The following FAM13C variants were observed in gnomAD, a reference collection of about 807,000 sequenced individuals.
The protein encoded by FAM13C is family with sequence similarity 13 member C.
A neutral mutation model predicts 73.2 loss-of-function variants in FAM13C; 37 were observed. That is an observed-to-expected ratio of 0.51 (90% CI 0.39 to 0.67). FAM13C has a LOEUF of 0.67. Ranked by LOEUF, FAM13C falls within the 30% of genes least tolerant of loss-of-function variation. The pLI is 0.00. For synonymous variants in FAM13C, 246 were observed against 260.9 expected (o/e 0.94, Z 0.55); for missense variants, 589 against 715.6 (o/e 0.82, Z 2.02).
At chr10:59,278,740 A>C (rs1441467896) in intron 6 of FAM13C, among the ~76,000 whole-genome samples, 2 of 151,802 alleles carry the variant, frequency 1.3e-5, no homozygotes. Context: ...TTTCCATAAT[A>C]GTAGCCATTT....
rs1052926458 is a variant in FAM13C at position 59,351,893 on chromosome 10, G to A, written c.324+377C>T. Among the ~76,000 whole-genome samples the A allele has an allele frequency of 9.2e-5, 14 of 152,306 alleles. 1 individual carries two copies. The highest frequency in any genetic ancestry group is 2.9e-4 in the African/African-American group (12 of 41,578). ...CGCCTGTAATCCCAGCTACTCAGGA[G>A]GCTAAGGCAGGAGAATCGTTTGAAC... On this transcript the variant is annotated intron_variant, in intron 3 of 13. Transcript: ENST00000618804.
At chr10:59,294,294 C>A (rs1846636456) in intron 5 of FAM13C, among the ~76,000 whole-genome samples, 1 of 152,072 alleles carries the variant, frequency 6.6e-6, no homozygotes, top group Admixed American at 6.6e-5. Flanking sequence ...AAAGAATGAG[C>A]AACAAGAAAA....
At chr10:59,322,317 C>T (rs191616731) in intron 4 of FAM13C, among the ~76,000 whole-genome samples, 2 of 152,302 alleles carry the variant, frequency 1.3e-5, no homozygotes, top group East Asian at 3.9e-4. Flanking sequence ...GCCCTCACAG[C>T]ACTCCTGATA....
intron 1 of FAM13C, chr10:59,361,087 C>T: frequency 2.3e-6 from 3 of 1,289,310 alleles, no homozygotes; most frequent in South Asian, 1.2e-5. Context: ...CACTTTGGCA[C>T]ACCTCTCTCC....
chr10:59,247,478 C>T lies in FAM13C; in HGVS notation c.*136G>A, dbSNP rs936908285. ...CTTGTATATAATTAAACTTGCTATT[C>T]CTTCTTAAAAACAGCTAATACTACC... On this transcript the variant is annotated 3_prime_UTR_variant, in exon 14 of 14. Transcript: ENST00000618804. The T allele has an allele frequency of 3.9e-5, 41 of 1,039,790 alleles. No homozygotes were observed. Among genetic ancestry groups the T allele is most frequent in the Non-Finnish European group, 5.6e-5 (39 of 695,180 alleles). 64.4% of individuals were successfully genotyped at this position (1,039,790 alleles called of 1,614,324 possible). A position where few individuals can be genotyped will look rare whatever the true frequency, so the allele number is the denominator to read the frequency against.
intron 3 of FAM13C, among the ~76,000 whole-genome samples, chr10:59,345,704 C>A (rs969372600): frequency 2.6e-5 from 4 of 152,250 alleles, no homozygotes; most frequent in African/African-American, 9.6e-5. Context: ...TTCTCAGAGC[C>A]CTGTCCCCCG....
intron 6 of FAM13C, among the ~76,000 whole-genome samples, chr10:59,272,888 G>T (rs967507903): frequency 2.0e-5 from 3 of 152,200 alleles, no homozygotes; most frequent in Non-Finnish European, 2.9e-5. Context: ...TATATACTAC[G>T]TTTTTTCCTA....
At chr10:59,305,771 G>C (rs765038609) in intron 4 of FAM13C, among the ~76,000 whole-genome samples, 2 of 152,192 alleles carry the variant, frequency 1.3e-5, no homozygotes, top group Non-Finnish European at 2.9e-5. Flanking sequence ...CTCCTGGGTG[G>C]GAGAGAGCCT....
chr10:59,262,498 G>A lies in FAM13C; in HGVS notation c.1172C>T (p.Pro391Leu), dbSNP rs1842607607. Residue 391 changes from proline to leucine, a missense_variant, in exon 10 of 14, where the codon CCA becomes CTA. Transcript: ENST00000618804. ...CTTCAGGCATGTCAAGGCAGCATCT[G>A]GAGTCTCTTCTCCAGAGGAGCTTGG... The part of the protein sequence containing the change: ...PEPSSSGEET[P>L]DAALTCLKER... The A allele has an allele frequency of 6.2e-7, 1 of 1,613,620 alleles. No individual in the cohort carries two copies. The highest frequency in any genetic ancestry group is 1.7e-5 in the Admixed American group (1 of 59,954).
Position 59,289,300 on chromosome 10 carries a change from A to G in FAM13C, c.508-5853T>C, listed in dbSNP as rs185480264. ...CGTGCAGCCCAGGTCCTAACAGGCT[A>G]CAGGCCGGTACTGGTCCATGGCTCT... On this transcript the variant is annotated intron_variant, in intron 5 of 13. Coordinates refer to ENST00000618804, the MANE Select transcript of FAM13C (RefSeq NM_198215.4). 1.9e-3 allele frequency among the ~76,000 whole-genome samples: 296 copies of G among 152,244 alleles called. 5 individuals are homozygous for G. The highest frequency in any genetic ancestry group is 0.017 in the Admixed American group (257 of 15,306).
At chr10:59,313,772 C>A (rs1381880535) in intron 4 of FAM13C, among the ~76,000 whole-genome samples, 1 of 152,034 alleles carries the variant, frequency 6.6e-6, no homozygotes, top group African/African-American at 2.4e-5. Context: ...AGCCAGTGTA[C>A]ACAAAAGCAA....
chr10:59,315,771 G>C (rs1417564589), intron 4 of FAM13C, among the ~76,000 whole-genome samples: 1 of 152,084 alleles, frequency 6.6e-6, no homozygotes, highest in East Asian at 1.9e-4. Context: ...AAGGGGAAGA[G>C]ATTAAACTGG....
intron 3 of FAM13C, among the ~76,000 whole-genome samples, chr10:59,334,626 G>T (rs1036763316): frequency 1.3e-5 from 2 of 152,052 alleles, no homozygotes; most frequent in African/African-American, 4.8e-5. Context: ...GATGAAGCTG[G>T]AAACCATCAT....
intron 2 of FAM13C, among the ~76,000 whole-genome samples, chr10:59,354,362 AT>A (rs1192056201): frequency 6.6e-6 from 1 of 152,180 alleles, no homozygotes; most frequent in Non-Finnish European, 1.5e-5. Flanking sequence ...ATTTTCTCAC[AT>A]ATTATTGGTT....
intron 4 of FAM13C, among the ~76,000 whole-genome samples, chr10:59,319,341 A>G (rs1235313534): frequency 6.6e-6 from 1 of 152,246 alleles, no homozygotes; most frequent in Non-Finnish European, 1.5e-5. Context: ...ACTGGAACTT[A>G]CAATGTAACC....
intron 10 of FAM13C, among the ~76,000 whole-genome samples, chr10:59,259,924 G>A (rs11817062): frequency 0.09 from 13,677 of 151,998 alleles, 1,501 homozygotes; most frequent in African/African-American, 0.26. Context: ...AAAAGTCTTG[G>A]GCAAACTGGG....
chr10:59,286,362 A>T (rs1477905175), intron 5 of FAM13C, among the ~76,000 whole-genome samples: 1 of 151,656 alleles, frequency 6.6e-6, no homozygotes, highest in Non-Finnish European at 1.5e-5. Context: ...TAAAAATATA[A>T]AAATTAGCTG....
chr10:59,325,592 GTGAGAC>G (rs1850995977), intron 3 of FAM13C, among the ~76,000 whole-genome samples: 1 of 152,078 alleles, frequency 6.6e-6, no homozygotes, highest in Non-Finnish European at 1.5e-5. Context: ...TGGTTTTCAC[GTGAGAC>G]AGAATTCTGC....
chr10:59,246,666 T>C lies in FAM13C; in HGVS notation c.*948A>G, dbSNP rs1757678267. The C allele has an allele frequency of 2.5e-6, 1 of 397,512 alleles. No individual in the cohort carries two copies. The highest frequency in any genetic ancestry group is 4.4e-6 in the Non-Finnish European group (1 of 225,318). 24.6% of individuals were successfully genotyped at this position (397,512 alleles called of 1,614,324 possible). A position where few individuals can be genotyped will look rare whatever the true frequency, so the allele number is the denominator to read the frequency against. ...TTTTTCAAGGTATCAGGGCAAACAA[T>C]TTCCAAACTTTTCATTTTGTACAGA... On this transcript the variant is annotated 3_prime_UTR_variant, in exon 14 of 14. Coordinates refer to ENST00000618804, the MANE Select transcript of FAM13C (RefSeq NM_198215.4).
Sources: gnomAD v4.1 joint callset for allele counts (sites outside exome capture counted in the v4.1 genomes callset) on GRCh38, gnomAD v4.1.1 for gene constraint, MANE v1.5 for transcripts, NCBI Gene and HGNC (gene_info 2026-07-23, HGNC 2026-07-21) for gene names.